The following SMAD2 variants were observed in gnomAD, a reference collection of about 807,000 sequenced individuals.
The protein encoded by SMAD2 is SMAD family member 2, also known as MAD homolog 2.
A neutral mutation model predicts 64.4 loss-of-function variants in SMAD2; 8 were observed. The ratio of observed to expected loss-of-function variants is 0.12; its 90% CI spans 0.07 to 0.22. SMAD2 has a LOEUF of 0.22. Ranked by LOEUF, SMAD2 falls within the 10% of genes least tolerant of loss-of-function variation. The pLI is 1.00. For synonymous variants in SMAD2, 203 were observed against 195.8 expected (o/e 1.04, Z -0.31); for missense variants, 289 against 561.2 (o/e 0.51, Z 4.90).
intron 3 of SMAD2, among the ~76,000 whole-genome samples, chr18:47,869,721 T>TA (rs2031817414): frequency 6.6e-6 from 1 of 152,188 alleles, no homozygotes; most frequent in African/African-American, 2.4e-5. Flanking sequence ...AAAGAGAGTT[T>TA]ATGCAGTTAT....
In SMAD2 at chr18:47,836,762, A is replaced by C. The variant is rs1350772831; in HGVS notation, c.*5065T>G. ...CACACGAGATAAGTTCTTATCGTAA[A>C]TGCTATCATGAGGCTATCTAGTATA... On this transcript the variant is annotated 3_prime_UTR_variant, in exon 11 of 11. Transcript: ENST00000262160. 7 of 220,948 alleles carry C rather than the reference A, an allele frequency of 3.2e-5. No individual in the cohort carries two copies. The East Asian group carries it at 4.6e-4, about 15-fold the overall frequency. 13.7% of individuals were successfully genotyped at this position (220,948 alleles called of 1,614,324 possible). A position where few individuals can be genotyped will look rare whatever the true frequency, so the allele number is the denominator to read the frequency against.
At chr18:47,842,378 A>G (rs1342945117) in intron 10 of SMAD2, among the ~76,000 whole-genome samples, 1 of 152,092 alleles carries the variant, frequency 6.6e-6, no homozygotes, top group African/African-American at 2.4e-5. Context: ...CGTCTCTACT[A>G]AAAATATAAA....
intron 1 of SMAD2, among the ~76,000 whole-genome samples, chr18:47,928,745 T>C (rs2034868746): frequency 6.6e-6 from 1 of 152,188 alleles, no homozygotes; most frequent in Admixed American, 6.5e-5. Context: ...TGGCCGCACT[T>C]TAGAAGGTGT....
intron 6 of SMAD2, among the ~76,000 whole-genome samples, chr18:47,854,792 C>G (rs964320580): frequency 9.2e-5 from 14 of 152,196 alleles, no homozygotes; most frequent in African/African-American, 3.4e-4. Flanking sequence ...CCTGCTTCCC[C>G]AAATTCCCTA....
rs1432903702 is a variant in SMAD2, at chr18:47,850,378, T to C, written c.784+896A>G. Among the ~76,000 whole-genome samples, 16 of 25,690 alleles carry C rather than the reference T, an allele frequency of 6.2e-4. 4 individuals carry two copies. The highest frequency in any genetic ancestry group is 3.1e-3 in the African/African-American group (12 of 3,882). 16.9% of individuals were successfully genotyped at this position (25,690 alleles called of 152,430 possible). On this transcript the variant is annotated intron_variant, in intron 7 of 10. Transcript: ENST00000262160. ...CATAATATGTATAATATATATTATA[T>C]ATATTATATAATATATATTATATAT... is the stretch of plus-strand genomic sequence containing the variant.
At chr18:47,895,952 T>C (rs2033420107) in intron 2 of SMAD2, among the ~76,000 whole-genome samples, 1 of 152,232 alleles carries the variant, frequency 6.6e-6, no homozygotes, top group Non-Finnish European at 1.5e-5. Flanking sequence ...GTGGTACTTA[T>C]CTGTAAATGA....
chr18:47,904,791 G>A (rs7236177), intron 1 of SMAD2, among the ~76,000 whole-genome samples: 87,409 of 151,988 alleles, frequency 0.58, 25,472 homozygotes, highest in East Asian at 0.8. Flanking sequence ...TCAAATGAGC[G>A]AGAAAAAAGG....
At chr18:47,864,677 T>C (rs2031428638) in intron 6 of SMAD2, among the ~76,000 whole-genome samples, 1 of 152,152 alleles carries the variant, frequency 6.6e-6, no homozygotes, top group African/African-American at 2.4e-5. Flanking sequence ...ATCCCCATCC[T>C]TCACCCCCAA....
chr18:47,906,783 G>C (rs896650316), intron 1 of SMAD2, among the ~76,000 whole-genome samples: 1 of 151,798 alleles, frequency 6.6e-6, no homozygotes, highest in Non-Finnish European at 1.5e-5. Flanking sequence ...CCTTCCCTTA[G>C]CTTGTGCTCT....
rs560333551 is a variant in SMAD2, at chr18:47,833,581, G to C, written c.*8246C>G. On this transcript the variant is annotated 3_prime_UTR_variant, in exon 11 of 11. Transcript: ENST00000262160. ...TTGCATTACAAAGTTAATGCCATCAGAGAAAAAAAATCTCACCTCACGTGC... is the reference window on the plus strand; with the variant it reads ...TTGCATTACAAAGTTAATGCCATCACAGAAAAAAAATCTCACCTCACGTGC... The C allele has an allele frequency of 1.7e-5, 4 of 230,802 alleles. No individual in the cohort carries two copies. The South Asian group carries it at 7.3e-4, about 42-fold the overall frequency. 14.3% of individuals were successfully genotyped at this position (230,802 alleles called of 1,614,324 possible). A position where few individuals can be genotyped will look rare whatever the true frequency, so the allele number is the denominator to read the frequency against.
rs1408768307 is a variant in SMAD2, at chr18:47,827,100, G to A, written c.*14727C>T. The A allele has an allele frequency of 1.3e-5, 2 of 152,050 alleles. No homozygotes were observed. Among genetic ancestry groups the A allele is most frequent in the Non-Finnish European group, 2.9e-5 (2 of 68,004 alleles). 9.4% of individuals were successfully genotyped at this position (152,050 alleles called of 1,614,324 possible). A position where few individuals can be genotyped will look rare whatever the true frequency, so the allele number is the denominator to read the frequency against. ...CGGAAATGACCAAGGATTAAAATTA[G>A]CAGAATGTTATTCTGTCCAGCCATT... On this transcript the variant is annotated 3_prime_UTR_variant, in exon 11 of 11. Transcript: ENST00000262160.
At chr18:47,851,443 T>C (rs549113893) in intron 6 of SMAD2, 116 bp from the exon 7 acceptor site, 1 of 578,026 alleles carries the variant, frequency 1.7e-6, no homozygotes, top group East Asian at 5.1e-5. Context: ...ATAATTTAAA[T>C]ACCAAGAATT....
At position 47,872,749 on chromosome 18, in the gene SMAD2, C is replaced by G. The variant is rs1334595800; in HGVS notation, c.237-2185G>C. ...CTCCTTAAGAGAATCTAACTAATGC[C>G]TGATGACTGAGGTGGAACGTCTTTA... On this transcript the variant is annotated intron_variant, in intron 2 of 10. Coordinates refer to ENST00000262160, the MANE Select transcript of SMAD2 (RefSeq NM_005901.6). Among the ~76,000 whole-genome samples, 37 of 152,114 alleles carry G rather than the reference C, an allele frequency of 2.4e-4. 1 individual carries two copies.
intron 2 of SMAD2, among the ~76,000 whole-genome samples, chr18:47,891,219 C>T (rs1291206626): frequency 6.6e-6 from 1 of 152,182 alleles, no homozygotes; most frequent in African/African-American, 2.4e-5. Flanking sequence ...GCAGGTGAAT[C>T]GCTTGAACCT....
chr18:47,850,941 TAC>T (rs1462831392), intron 7 of SMAD2, among the ~76,000 whole-genome samples: 33 of 133,762 alleles, frequency 2.5e-4, no homozygotes, highest in African/African-American at 8.7e-4. Flanking sequence ...ATATATGTAA[TAC>T]ACATACCTTT....
chr18:47,815,585 C>G lies in SMAD2; in HGVS notation c.*26242G>C, dbSNP rs1445002086. ...TCCAATTTGGAAACCATTTATTTAACCACTAGTACAAAAACTGGCCTTGAA... is the reference window on the plus strand; with the variant it reads ...TCCAATTTGGAAACCATTTATTTAAGCACTAGTACAAAAACTGGCCTTGAA... On this transcript the variant is annotated 3_prime_UTR_variant, in exon 11 of 11. Coordinates refer to ENST00000262160, the MANE Select transcript of SMAD2 (RefSeq NM_005901.6). 6.6e-6 allele frequency: 1 copy of G among 152,160 alleles called. No homozygotes were observed. The highest frequency in any genetic ancestry group is 1.5e-5 in the Non-Finnish European group (1 of 68,030). The allele number at this position is 152,160 out of a possible 1,614,324, so 9.4% of individuals were successfully genotyped here.
chr18:47,835,397 C>G lies in SMAD2; in HGVS notation c.*6430G>C. ...GATTTCCACATTCTTAAAGCAGGAACCTATATTCACCAGAAAAGGATCCTC... is the reference window on the plus strand; with the variant it reads ...GATTTCCACATTCTTAAAGCAGGAAGCTATATTCACCAGAAAAGGATCCTC... On this transcript the variant is annotated 3_prime_UTR_variant, in exon 11 of 11. Coordinates refer to ENST00000262160, the MANE Select transcript of SMAD2 (RefSeq NM_005901.6). 2 of 202,472 alleles carry G rather than the reference C, an allele frequency of 9.9e-6. No individual in the cohort carries two copies. The highest frequency in any genetic ancestry group is 2.0e-5 in the Non-Finnish European group (2 of 98,484). The allele number at this position is 202,472 out of a possible 1,614,324, so 12.5% of individuals were successfully genotyped here.
rs957308508 is a variant in SMAD2, at chr18:47,837,146, A to C, written c.*4681T>G. On this transcript the variant is annotated 3_prime_UTR_variant, in exon 11 of 11. Transcript: ENST00000262160. ...AATTTTTGAGCCATTTGTAAAATTAAAATGATTGATCAATTTGAATAGCAA... is the reference window on the plus strand; with the variant it reads ...AATTTTTGAGCCATTTGTAAAATTACAATGATTGATCAATTTGAATAGCAA... The C allele has an allele frequency of 3.4e-5, 7 of 202,956 alleles. No homozygotes were observed. The highest frequency in any genetic ancestry group is 7.1e-5 in the Non-Finnish European group (7 of 98,920). The allele number at this position is 202,956 out of a possible 1,614,324, so 12.6% of individuals were successfully genotyped here. A position where few individuals can be genotyped will look rare whatever the true frequency, so the allele number is the denominator to read the frequency against.
chr18:47,874,525 A>G (rs2032146742), intron 2 of SMAD2, among the ~76,000 whole-genome samples: 1 of 152,192 alleles, frequency 6.6e-6, no homozygotes, highest in Non-Finnish European at 1.5e-5. Context: ...CACTTCACCT[A>G]TAAAAAATTT....
Sources: gnomAD v4.1 joint callset for allele counts (sites outside exome capture counted in the v4.1 genomes callset) on GRCh38, gnomAD v4.1.1 for gene constraint, MANE v1.5 for transcripts, NCBI Gene and HGNC (gene_info 2026-07-23, HGNC 2026-07-21) for gene names.